Variants in SNTB1 observed in about 807,000 individuals in gnomAD.
SNTB1 encodes the protein beta-1-syntrophin.
SNTB1 carries 36 observed loss-of-function variants against 48.9 expected under a neutral mutation model. The ratio of observed to expected loss-of-function variants is 0.74; its 90% CI spans 0.56 to 0.97. SNTB1 has a LOEUF of 0.97. Ranked by LOEUF, SNTB1 falls within the 50% of genes least tolerant of loss-of-function variation. SNTB1 has a pLI of 0.00. For missense variants in SNTB1, 786 were observed against 703.4 expected, an observed-to-expected ratio of 1.12 and a Z score of -1.33; for synonymous variants, 299 against 294.6, an observed-to-expected ratio of 1.01 and a Z score of -0.15.
At chr8:120,544,469 G>T (rs1032129349) in intron 5 of SNTB1, among the ~76,000 whole-genome samples, 1 of 152,094 alleles carries the variant, frequency 6.6e-6, no homozygotes, top group Non-Finnish European at 1.5e-5. Flanking sequence ...AATTATAACT[G>T]GATCACACTT....
At chr8:120,646,186 A>G (rs1297135549) in intron 2 of SNTB1, among the ~76,000 whole-genome samples, 3 of 137,962 alleles carry the variant, frequency 2.2e-5, no homozygotes, top group Non-Finnish European at 4.7e-5. Context: ...CCCTGGCCAG[A>G]ACTTCCAACA....
At chr8:120,573,380 T>C (rs961683206) in intron 4 of SNTB1, among the ~76,000 whole-genome samples, 1 of 120,500 alleles carries the variant, frequency 8.3e-6, no homozygotes, top group African/African-American at 2.8e-5. Context: ...TCTATTCAGG[T>C]TCTTTTTGAA....
At position 120,655,575 on chromosome 8, in the gene SNTB1, G is replaced by A. The variant is rs189633201; in HGVS notation, c.789-22924C>T. The stretch of plus-strand genomic sequence containing the variant: ...ACTGGAACTAGAACCAAAGTTCATT[G>A]AACTCCAAAGCCCATGTCTTAATCA... On this transcript the variant is annotated intron_variant, in intron 2 of 6. Transcript: ENST00000517992. Among the ~76,000 whole-genome samples the A allele has an allele frequency of 2.6e-3, 403 of 152,258 alleles. 2 individuals are homozygous for A. Among genetic ancestry groups the A allele is most frequent in the African/African-American group, 9.3e-3 (388 of 41,556 alleles).
intron 1 of SNTB1, among the ~76,000 whole-genome samples, chr8:120,707,271 T>C (rs1213410939): frequency 1.3e-5 from 2 of 152,176 alleles, no homozygotes; most frequent in Non-Finnish European, 2.9e-5. Flanking sequence ...CCCAAACATA[T>C]GTGCACACAC....
Position 120,714,483 on chromosome 8 carries a change from C to CT in SNTB1, c.572-20576dup, listed in dbSNP as rs376862593. On this transcript the variant is annotated intron_variant, in intron 1 of 6. Coordinates refer to ENST00000517992, the MANE Select transcript of SNTB1 (RefSeq NM_021021.4). ...TGGAATCATGGAGATATATAAAGTC[C>CT]TTTTTTTTTTTTCTGGCAAAAACAT... 6.8e-3 allele frequency among the ~76,000 whole-genome samples: 1,000 copies of CT among 146,342 alleles called. 3 individuals are homozygous for CT. Among genetic ancestry groups the CT allele is most frequent in the East Asian group, 0.013 (65 of 5,016 alleles).
intron 2 of SNTB1, among the ~76,000 whole-genome samples, chr8:120,691,496 T>A (rs1360885196): frequency 6.6e-6 from 1 of 152,180 alleles, no homozygotes; most frequent in African/African-American, 2.4e-5. Context: ...ATTCAAAGAT[T>A]AGGCAGGTAA....
intron 2 of SNTB1, among the ~76,000 whole-genome samples, chr8:120,672,977 A>C (rs1435121475): frequency 6.6e-6 from 1 of 152,156 alleles, no homozygotes; most frequent in Non-Finnish European, 1.5e-5. Flanking sequence ...CCTAGTGTGG[A>C]ATCTCCAGCA....
intron 2 of SNTB1, among the ~76,000 whole-genome samples, chr8:120,649,603 G>T: frequency 2.1e-5 from 3 of 142,532 alleles, no homozygotes; most frequent in South Asian, 2.4e-4. Flanking sequence ...GTCTGCAGAG[G>T]TTACTGCTGT....
chr8:120,767,161 CT>C (rs1411839788), intron 1 of SNTB1, among the ~76,000 whole-genome samples: 1 of 152,088 alleles, frequency 6.6e-6, no homozygotes, highest in Non-Finnish European at 1.5e-5. Flanking sequence ...TTTCAGTTGT[CT>C]TTTTTTAATT....
chr8:120,775,037 G>A (rs930301420), intron 1 of SNTB1, among the ~76,000 whole-genome samples: 14 of 152,054 alleles, frequency 9.2e-5, no homozygotes, highest in African/African-American at 3.1e-4. Context: ...TCTATGAGGC[G>A]GCTCAAAGAA....
chr8:120,581,946 A>G (rs561277617), intron 3 of SNTB1, among the ~76,000 whole-genome samples: 1 of 152,124 alleles, frequency 6.6e-6, no homozygotes. Context: ...GAGGCAGGAG[A>G]ATTGCTTGAA....
At chr8:120,579,847 C>T (rs983219475) in intron 3 of SNTB1, among the ~76,000 whole-genome samples, 6 of 151,982 alleles carry the variant, frequency 3.9e-5, no homozygotes, top group Admixed American at 1.3e-4. Flanking sequence ...TAAATGAATT[C>T]GTGCACATAT....
At chr8:120,746,450 T>C (rs1819127078) in intron 1 of SNTB1, among the ~76,000 whole-genome samples, 2 of 152,214 alleles carry the variant, frequency 1.3e-5, no homozygotes, top group Admixed American at 1.3e-4. Context: ...AAAAGTTATA[T>C]GTGAATTTTC....
At chr8:120,806,240 G>T (rs1243006754) in intron 1 of SNTB1, among the ~76,000 whole-genome samples, 3 of 152,184 alleles carry the variant, frequency 2.0e-5, no homozygotes, top group Non-Finnish European at 2.9e-5. Context: ...CACACTGCTG[G>T]CATTTAGTGA....
At chr8:120,644,883 T>C (rs1228032063) in intron 2 of SNTB1, among the ~76,000 whole-genome samples, 3 of 152,092 alleles carry the variant, frequency 2.0e-5, no homozygotes, top group Non-Finnish European at 2.9e-5. Flanking sequence ...TATCTCACTG[T>C]TGTTTTGATT....
intron 4 of SNTB1, among the ~76,000 whole-genome samples, chr8:120,558,426 G>C (rs1292691416): frequency 6.6e-6 from 1 of 152,184 alleles, no homozygotes; most frequent in Non-Finnish European, 1.5e-5. Context: ...GAAACTGCTT[G>C]AGAAACCCAA....
At chr8:120,584,286 A>G (rs1816098550) in intron 3 of SNTB1, among the ~76,000 whole-genome samples, 1 of 151,982 alleles carries the variant, frequency 6.6e-6, no homozygotes, top group Admixed American at 6.6e-5. Context: ...TACTAAAAAT[A>G]CAAAAATTAG....
At chr8:120,738,316 A>T (rs1191724502) in intron 1 of SNTB1, among the ~76,000 whole-genome samples, 1 of 152,198 alleles carries the variant, frequency 6.6e-6, no homozygotes, top group East Asian at 1.9e-4. Flanking sequence ...TGAAGACATC[A>T]ACTTTTCCTA....
chr8:120,668,149 C>CA (rs1284289178), intron 2 of SNTB1, among the ~76,000 whole-genome samples: 3 of 152,168 alleles, frequency 2.0e-5, no homozygotes, highest in Non-Finnish European at 2.9e-5. Context: ...TTCGGTCTTC[C>CA]AGACTCTCAG....
Sources: allele counts gnomAD v4.1 joint callset (sites outside exome capture counted in the v4.1 genomes callset), GRCh38; gene constraint gnomAD v4.1.1; transcripts MANE v1.5; gene names NCBI Gene and HGNC (gene_info 2026-07-23, HGNC 2026-07-21).